Variants in MAN1A1 observed in about 807,000 individuals in gnomAD.
MAN1A1 encodes the protein mannosyl-oligosaccharide 1,2-alpha-mannosidase IA.
Under a neutral mutation model 70.8 loss-of-function variants are expected in MAN1A1, and 29 were observed. That is an observed-to-expected ratio of 0.41 (90% confidence interval 0.31 to 0.56). The LOEUF is 0.56. MAN1A1 is among the 20% of genes least tolerant of loss of function. MAN1A1 has a pLI of 0.29. For synonymous variants in MAN1A1, 349 were observed against 330.1 expected, an observed-to-expected ratio of 1.06 and a Z score of -0.62; for missense variants, 747 against 841.3, an observed-to-expected ratio of 0.89 and a Z score of 1.39.
At chr6:119,347,385 C>T (rs547626609) in intron 2 of MAN1A1, among the ~76,000 whole-genome samples, 5 of 152,292 alleles carry the variant, frequency 3.3e-5, no homozygotes, top group South Asian at 2.1e-4. Context: ...TTTCACAGAT[C>T]GTATTATTTT....
In MAN1A1 at chr6:119,204,790, T is replaced by A; in HGVS notation, c.1085A>T (p.His362Leu). 6.2e-7 allele frequency: 1 copy of A among 1,613,984 alleles called. No homozygotes were observed. The highest frequency in any genetic ancestry group is 8.5e-7 in the Non-Finnish European group (1 of 1,179,862). ...AGCAAAGATGGGGTTTCCTGATAAG[T>A]GGCTCAAGTGCATAAACTCCAAATG... Reference protein sequence around the residue: ...TLHLEFMHLSHLSGNPIFAEK... With the variant: ...TLHLEFMHLSLLSGNPIFAEK... The change falls in exon 7 of 13, where the codon CAC (histidine) becomes CTC (leucine). Residue 362 changes from histidine (H) to leucine (L), a missense_variant. Physicochemically the swap from His to Leu is moderately conservative, Grantham distance 99. Transcript: ENST00000368468.
At chr6:119,242,980 G>A (rs1035066649) in intron 6 of MAN1A1, among the ~76,000 whole-genome samples, 6 of 151,846 alleles carry the variant, frequency 4.0e-5, no homozygotes, top group Non-Finnish European at 8.8e-5. Flanking sequence ...AATCCAACTG[G>A]GGGAAGAAAA....
intron 5 of MAN1A1, among the ~76,000 whole-genome samples, chr6:119,274,802 T>C (rs980626646): frequency 1.3e-5 from 2 of 152,208 alleles, no homozygotes; most frequent in Non-Finnish European, 2.9e-5. Context: ...GTTTTTGTTA[T>C]ATGTACTCAC....
chr6:119,186,857 G>A (rs1360438636), intron 11 of MAN1A1, among the ~76,000 whole-genome samples: 1 of 152,198 alleles, frequency 6.6e-6, no homozygotes, highest in Non-Finnish European at 1.5e-5. Flanking sequence ...AGACCCTACA[G>A]CACTCCTGGC....
chr6:119,210,530 C>G (rs1318127517), intron 6 of MAN1A1, among the ~76,000 whole-genome samples: 1 of 152,192 alleles, frequency 6.6e-6, no homozygotes, highest in East Asian at 1.9e-4. Flanking sequence ...TGAGTGCATA[C>G]TATCTGACTA....
chr6:119,289,828 T>C (rs1469593370), intron 5 of MAN1A1, among the ~76,000 whole-genome samples: 3 of 152,016 alleles, frequency 2.0e-5, no homozygotes, highest in Non-Finnish European at 2.9e-5. Flanking sequence ...TGAAGGAGCA[T>C]AGCAATACAT....
chr6:119,239,112 T>C (rs1036025488), intron 6 of MAN1A1, among the ~76,000 whole-genome samples: 37 of 151,950 alleles, frequency 2.4e-4, no homozygotes, highest in Non-Finnish European at 4.6e-4. Context: ...TCTCCTGACC[T>C]CGTGATCCGC....
At chr6:119,319,877 T>C (rs564472747) in intron 2 of MAN1A1, among the ~76,000 whole-genome samples, 5 of 152,172 alleles carry the variant, frequency 3.3e-5, no homozygotes, top group African/African-American at 4.8e-5. Flanking sequence ...TCCCTCTTCC[T>C]TCTGCCTTGA....
intron 2 of MAN1A1, among the ~76,000 whole-genome samples, chr6:119,335,119 A>G (rs1023933685): frequency 2.0e-5 from 3 of 152,190 alleles, no homozygotes; most frequent in Non-Finnish European, 4.4e-5. Context: ...ACAACAACTA[A>G]AAGGGGAGGC....
intron 6 of MAN1A1, among the ~76,000 whole-genome samples, chr6:119,210,029 C>G (rs149802976): frequency 6.6e-6 from 1 of 152,130 alleles, no homozygotes; most frequent in Non-Finnish European, 1.5e-5. Flanking sequence ...CATCTCATCA[C>G]GGGTAGTTGT....
At chr6:119,229,068 G>A (rs746169031) in intron 6 of MAN1A1, among the ~76,000 whole-genome samples, 2 of 152,014 alleles carry the variant, frequency 1.3e-5, no homozygotes, top group African/African-American at 4.8e-5. Flanking sequence ...TAGTATACAC[G>A]TGTAATAAAT....
intron 3 of MAN1A1, among the ~76,000 whole-genome samples, chr6:119,303,485 A>G (rs1489320851): frequency 1.3e-5 from 2 of 152,222 alleles, no homozygotes; most frequent in East Asian, 3.8e-4. Context: ...ACCTTGAAAC[A>G]AACTGTAGAA....
chr6:119,296,301 G>C (rs1772215069), intron 4 of MAN1A1, among the ~76,000 whole-genome samples: 1 of 152,154 alleles, frequency 6.6e-6, no homozygotes, highest in African/African-American at 2.4e-5. Context: ...TGCAGGTCCA[G>C]AGGCTCTCAA....
chr6:119,348,765 GCCCC>G lies in MAN1A1; in HGVS notation c.297_300del (p.Glu99AspfsTer103), dbSNP rs749084946. On this transcript the variant is annotated frameshift_variant, in exon 2 of 13. Coordinates refer to ENST00000368468, the MANE Select transcript of MAN1A1 (RefSeq NM_005907.4). LOFTEE classifies it high-confidence loss of function. ...GCCCCCTCCTCGCGGCGCCGGGCTC[GCCCC>G]TCGGCCGCGTCCTCGGCGCGCGCCC... The G allele has an allele frequency of 6.1e-6, 9 of 1,472,770 alleles. No homozygotes were observed. The highest frequency in any genetic ancestry group is 8.1e-6 in the Non-Finnish European group (9 of 1,116,938). 91.2% of individuals were successfully genotyped at this position (1,472,770 alleles called of 1,614,324 possible). A position where few individuals can be genotyped will look rare whatever the true frequency, so the allele number is the denominator to read the frequency against.
At chr6:119,303,521 C>T (rs1218546079) in intron 3 of MAN1A1, among the ~76,000 whole-genome samples, 1 of 152,138 alleles carries the variant, frequency 6.6e-6, no homozygotes, top group African/African-American at 2.4e-5. Context: ...CTTAAAATAT[C>T]CCCTTGAAAC....
chr6:119,280,473 C>T (rs567910913), intron 5 of MAN1A1, among the ~76,000 whole-genome samples: 13 of 152,152 alleles, frequency 8.5e-5, no homozygotes, highest in Non-Finnish European at 1.5e-4. Flanking sequence ...GTTGTTTCTG[C>T]GGCACCAACT....
At chr6:119,216,564 CAG>C (rs1774209651) in intron 6 of MAN1A1, among the ~76,000 whole-genome samples, 1 of 151,960 alleles carries the variant, frequency 6.6e-6, no homozygotes, top group South Asian at 2.1e-4. Context: ...GTTCTCTTTT[CAG>C]AGTTTGCTAT....
chr6:119,259,719 T>C (rs1038939746), intron 5 of MAN1A1, among the ~76,000 whole-genome samples: 1 of 152,186 alleles, frequency 6.6e-6, no homozygotes, highest in African/African-American at 2.4e-5. Flanking sequence ...ATTTTTGTCT[T>C]ATGTTTGTGT....
chr6:119,337,446 A>G (rs1773483868), intron 2 of MAN1A1, among the ~76,000 whole-genome samples: 1 of 152,162 alleles, frequency 6.6e-6, no homozygotes, highest in South Asian at 2.1e-4. Flanking sequence ...ACAAATACAT[A>G]CTGGGCCCTA....
Sources: gnomAD v4.1 joint callset for allele counts (sites outside exome capture counted in the v4.1 genomes callset) on GRCh38, gnomAD v4.1.1 for gene constraint, MANE v1.5 for transcripts, NCBI Gene and HGNC (gene_info 2026-07-23, HGNC 2026-07-21) for gene names.